The following AMPD1 variants were observed in gnomAD, a reference collection of about 807,000 sequenced individuals.
AMPD1 encodes the protein adenosine monophosphate deaminase 1.
In AMPD1, 74 loss-of-function variants were observed where a neutral mutation model predicts 82.9. That is an observed-to-expected ratio of 0.89 (90% CI 0.74 to 1.08). The LOEUF (loss-of-function observed/expected upper bound fraction) is 1.08, where lower values mean the gene tolerates loss of function less well. Among genes scored for constraint, AMPD1 ranks in the 50% least tolerant of loss-of-function variants. The probability of loss-of-function intolerance (pLI) is 0.00; values close to 1 mark genes in which losing one functional copy is unlikely to be tolerated. For synonymous variants in AMPD1, 333 were observed against 320.5 expected, an observed-to-expected ratio of 1.04 and a Z score of -0.42; for missense variants, 881 against 924.5, an observed-to-expected ratio of 0.95 and a Z score of 0.61.
chr1:114,684,447 C>G, intron 4 of AMPD1, 83 bp from the exon 5 acceptor site: 1 of 1,440,252 alleles, frequency 6.9e-7, no homozygotes, highest in South Asian at 1.2e-5. Flanking sequence ...TTGGCACCTC[C>G]CAGCTCTCCT....
chr1:114,677,795 CTCCCTCCTTCCTTCCTTCCTTCCT>C (rs1402049274), intron 9 of AMPD1, 91 bp downstream of exon 9: 8 of 431,376 alleles, frequency 1.9e-5, no homozygotes, highest in Non-Finnish European at 2.9e-5. Flanking sequence ...CTTTCCCTCT[CTCCCTCCTTCCTTCCTTCCTTCCT>C]TCCTTCCTTC....
chr1:114,678,943 C>T (rs1222707808), intron 7 of AMPD1, among the ~76,000 whole-genome samples: 1 of 152,180 alleles, frequency 6.6e-6, no homozygotes, highest in Non-Finnish European at 1.5e-5. Flanking sequence ...ATTCTTATAA[C>T]TAAATTTTAT....
intron 2 of AMPD1, among the ~76,000 whole-genome samples, chr1:114,693,202 T>A (rs1417819096): frequency 6.7e-6 from 1 of 148,468 alleles, no homozygotes; most frequent in Non-Finnish European, 1.5e-5. Flanking sequence ...TTTTAAAAAA[T>A]TATATATAAT....
intron 2 of AMPD1, among the ~76,000 whole-genome samples, chr1:114,692,186 G>T (rs889663225): frequency 2.6e-5 from 4 of 152,130 alleles, no homozygotes; most frequent in African/African-American, 9.7e-5. Context: ...TGAATATCAT[G>T]CTTTCTTCTT....
intron 6 of AMPD1, 136 bp downstream of exon 6, chr1:114,680,123 G>A (rs1557970612): frequency 2.4e-6 from 2 of 831,546 alleles, no homozygotes; most frequent in East Asian, 5.3e-5. Flanking sequence ...CAATGTGCAT[G>A]AAGGGCTTAA....
At chr1:114,675,132 A>G (rs887683548) in intron 12 of AMPD1, among the ~76,000 whole-genome samples, 5 of 152,224 alleles carry the variant, frequency 3.3e-5, no homozygotes, top group African/African-American at 7.2e-5. Flanking sequence ...AAATTTACCA[A>G]TATCAACATC....
chr1:114,677,114 T>C (rs1176884373), intron 10 of AMPD1, among the ~76,000 whole-genome samples: 3 of 152,174 alleles, frequency 2.0e-5, no homozygotes, highest in Admixed American at 2.0e-4. Context: ...CAGTGAGTTA[T>C]TTATGATCTT....
At chr1:114,684,941 G>A (rs374281779) in intron 4 of AMPD1, among the ~76,000 whole-genome samples, 2 of 152,182 alleles carry the variant, frequency 1.3e-5, no homozygotes, top group Non-Finnish European at 2.9e-5. Context: ...TTATTTCTGG[G>A]TAAAACTTGA....
At chr1:114,676,228 C>G (rs1178331133) in intron 10 of AMPD1, 1 of 510,870 alleles carries the variant, frequency 2.0e-6, no homozygotes, top group Non-Finnish European at 3.5e-6. Flanking sequence ...ATGTCCCCAT[C>G]TTTTTTACAA....
At position 114,675,857 on chromosome 1, in the gene AMPD1, GC is replaced by G. The variant is rs1657966758; in HGVS notation, c.1515+19del. The G allele has an allele frequency of 6.2e-7, 1 of 1,614,120 alleles. No individual in the cohort carries two copies. Among genetic ancestry groups the G allele is most frequent in the Admixed American group, 1.7e-5 (1 of 60,028 alleles). On this transcript the variant is annotated intron_variant, in intron 11 of 15. Transcript: ENST00000520113. ...CTGGTTCATGAGCAGCAGTATGAAGGCCTGAAGGGTCATGCTTACATGCTTG... is the reference window on the plus strand; with the variant it reads ...CTGGTTCATGAGCAGCAGTATGAAGGCTGAAGGGTCATGCTTACATGCTTG...
In AMPD1 at chr1:114,677,146, C is replaced by T. The variant is rs536599524; in HGVS notation, c.1388+205G>A. The stretch of plus-strand genomic sequence containing the variant: ...TCTTCATAAAGCTAGAGGACTGATC[C>T]GAAATGATCTTCTTAACTCCTGTCT... On this transcript the variant is annotated intron_variant, in intron 10 of 15. Transcript: ENST00000520113. 9.9e-5 allele frequency among the ~76,000 whole-genome samples: 15 copies of T among 151,776 alleles called. No homozygotes were observed. In the South Asian group the frequency reaches 1.3e-3, roughly 13 times the overall value.
intron 7 of AMPD1, among the ~76,000 whole-genome samples, chr1:114,679,313 T>C (rs1229826722): frequency 6.6e-6 from 1 of 152,252 alleles, no homozygotes; most frequent in African/African-American, 2.4e-5. Context: ...TCATTTTTGA[T>C]GTTTTGTTGT....
intron 2 of AMPD1, among the ~76,000 whole-genome samples, chr1:114,693,196 A>T (rs552332741): frequency 6.7e-6 from 1 of 148,910 alleles, no homozygotes; most frequent in Non-Finnish European, 1.5e-5. Context: ...GTTTTCTTTT[A>T]AAAAATTATA....
At chr1:114,678,152 G>T in intron 8 of AMPD1, 111 bp from the exon 9 acceptor site, 3 of 1,494,908 alleles carry the variant, frequency 2.0e-6, no homozygotes, top group East Asian at 2.3e-5. Context: ...AGGGCATTGG[G>T]CTCCAAGAAT....
At chr1:114,676,061 C>G (rs1270340748) in intron 10 of AMPD1, 58 bp from the exon 11 acceptor site, 2 of 1,580,480 alleles carry the variant, frequency 1.3e-6, no homozygotes, top group Non-Finnish European at 8.7e-7. Context: ...ACTGATAGCC[C>G]CAGTATGAGG....
intron 2 of AMPD1, 98 bp from the exon 3 acceptor site, chr1:114,688,839 G>A (rs1012363563): frequency 2.7e-5 from 37 of 1,353,258 alleles, no homozygotes; most frequent in Admixed American, 5.0e-5. Flanking sequence ...ACTGTGCTGC[G>A]TGCATGGCTC....
At chr1:114,688,517 TC>T (rs774466893) in intron 3 of AMPD1, 43 bp downstream of exon 3, 13 of 1,601,748 alleles carry the variant, frequency 8.1e-6, no homozygotes, top group Non-Finnish European at 1.1e-5. Context: ...CAGATACCCC[TC>T]CTTAGGTGCC....
intron 14 of AMPD1, 49 bp from the exon 15 acceptor site, chr1:114,673,798 T>C (rs749679882): frequency 1.3e-6 from 2 of 1,574,196 alleles, no homozygotes; most frequent in East Asian, 2.2e-5. Context: ...TAATAAATAA[T>C]ATGCATCCTG....
At position 114,677,935 on chromosome 1, in the gene AMPD1, C is replaced by T; in HGVS notation, c.1199G>A (p.Gly400Glu). ...LYLKTDNYIN[G>E]EYFATIIKEV... ...CTTGATGATAGTGGCAAAATATTCC[C>T]CATTAATGTAATTGTCTGTCTTCAA... Residue 400 changes from glycine (G) to glutamate (E), a missense_variant, in exon 9 of 16, where the codon GGG (glycine) becomes GAG (glutamate). Gly to Glu is a moderately conservative substitution (Grantham distance 98). Around this residue, in one of 2 missense-constraint regions of AMPD1, gnomAD observed 783 missense variants for 786.4 expected, o/e 1.00. Coordinates refer to ENST00000520113, the MANE Select transcript of AMPD1 (RefSeq NM_000036.3). The T allele has an allele frequency of 6.2e-7, 1 of 1,613,706 alleles. No homozygotes were observed. Among genetic ancestry groups the T allele is most frequent in the Non-Finnish European group, 8.5e-7 (1 of 1,179,970 alleles).
Sources: allele counts gnomAD v4.1 joint callset (sites outside exome capture counted in the v4.1 genomes callset), GRCh38; gene constraint gnomAD v4.1.1; regional missense constraint gnomAD v4.1.1; transcripts MANE v1.5; gene names NCBI Gene and HGNC (gene_info 2026-07-23, HGNC 2026-07-21).